The following TMEM132D variants were observed in gnomAD, a reference collection of about 807,000 sequenced individuals.
The protein encoded by TMEM132D is transmembrane protein 132D, also known as mature OL transmembrane protein.
TMEM132D carries 21 observed loss-of-function variants against 62.3 expected under a neutral mutation model. The observed-to-expected ratio is 0.34, with a 90% CI of 0.24 to 0.49. TMEM132D has a LOEUF of 0.49. Ranked by LOEUF, TMEM132D falls within the 20% of genes least tolerant of loss-of-function variation. TMEM132D has a pLI of 0.99. For synonymous variants in TMEM132D, 621 were observed against 575.6 expected, an observed-to-expected ratio of 1.08 and a Z score of -1.13; for missense variants, 1,346 against 1,402.8, an observed-to-expected ratio of 0.96 and a Z score of 0.65.
chr12:129,445,318 T>A (rs1873064888), intron 3 of TMEM132D, among the ~76,000 whole-genome samples: 1 of 151,266 alleles, frequency 6.6e-6, no homozygotes, highest in Non-Finnish European at 1.5e-5. Flanking sequence ...GAGGGTGGAG[T>A]GTGGGAGGAA....
intron 3 of TMEM132D, among the ~76,000 whole-genome samples, 172 bp downstream of exon 3, chr12:129,530,887 C>A (rs1008046889): frequency 6.6e-6 from 1 of 151,812 alleles, no homozygotes; most frequent in Non-Finnish European, 1.5e-5. Context: ...AACAGCCCAC[C>A]TTTCCCAAAT....
chr12:129,236,006 A>G (rs1156327737), intron 4 of TMEM132D, among the ~76,000 whole-genome samples: 4 of 152,008 alleles, frequency 2.6e-5, no homozygotes, highest in Non-Finnish European at 5.9e-5. Context: ...ATTTATTTGC[A>G]GCATCTTCAA....
At chr12:129,896,711 CCTTTA>C (rs1373296656) in intron 1 of TMEM132D, among the ~76,000 whole-genome samples, 4 of 152,014 alleles carry the variant, frequency 2.6e-5, no homozygotes, top group African/African-American at 7.2e-5. Flanking sequence ...TCTGAATCTC[CCTTTA>C]TTTATATACT....
intron 5 of TMEM132D, among the ~76,000 whole-genome samples, chr12:129,206,558 G>A (rs1346795030): frequency 6.6e-6 from 1 of 152,124 alleles, no homozygotes; most frequent in African/African-American, 2.4e-5. Flanking sequence ...TCCTCAAAGA[G>A]CTAAAAACAG....
chr12:129,803,323 A>C (rs2137309294), intron 1 of TMEM132D, among the ~76,000 whole-genome samples: 1 of 151,058 alleles, frequency 6.6e-6, no homozygotes, highest in South Asian at 2.1e-4. Context: ...AAAGAACAGA[A>C]ATTATAACAA....
chr12:129,832,707 G>A (rs1308692204), intron 1 of TMEM132D, among the ~76,000 whole-genome samples: 8 of 152,134 alleles, frequency 5.3e-5, no homozygotes, highest in Admixed American at 6.5e-5. Context: ...AGGGGACGCT[G>A]CAGGCATTTG....
chr12:129,566,929 T>C (rs1877382661), intron 2 of TMEM132D, among the ~76,000 whole-genome samples: 2 of 152,372 alleles, frequency 1.3e-5, no homozygotes, highest in Admixed American at 1.3e-4. Flanking sequence ...TGAATCTGCC[T>C]ATGACTTGGA....
intron 1 of TMEM132D, among the ~76,000 whole-genome samples, chr12:129,722,226 C>T (rs939500816): frequency 3.9e-5 from 6 of 152,216 alleles, no homozygotes; most frequent in African/African-American, 9.6e-5. Flanking sequence ...GCTCCTGAAG[C>T]GCAGGCTGCT....
rs1876522710 is a variant in TMEM132D, at chr12:129,135,181, G to A, written c.1444-50479C>T. 3.3e-5 allele frequency among the ~76,000 whole-genome samples: 5 copies of A among 152,142 alleles called. No individual in the cohort carries two copies. In the South Asian group the frequency reaches 1.0e-3, roughly 32 times the overall value. ...GAACCACTGAGGCATCTGGAGTTGG[G>A]TTTGTGCATCAGGTAACCCCAGAGA... is the stretch of plus-strand genomic sequence containing the variant. On this transcript the variant is annotated intron_variant, in intron 5 of 8. Transcript: ENST00000422113.
intron 3 of TMEM132D, among the ~76,000 whole-genome samples, chr12:129,430,015 C>T (rs1299257056): frequency 6.6e-6 from 1 of 152,102 alleles, no homozygotes; most frequent in Non-Finnish European, 1.5e-5. Flanking sequence ...CAAGTCTCTG[C>T]TATTGTGAAT....
At chr12:129,850,373 C>G (rs1873501176) in intron 1 of TMEM132D, among the ~76,000 whole-genome samples, 1 of 152,160 alleles carries the variant, frequency 6.6e-6, no homozygotes, top group African/African-American at 2.4e-5. Flanking sequence ...GGCCTGCCCC[C>G]ACGGAGGATG....
chr12:129,513,872 C>T (rs892829631), intron 3 of TMEM132D, among the ~76,000 whole-genome samples: 9 of 149,880 alleles, frequency 6.0e-5, no homozygotes, highest in Non-Finnish European at 1.0e-4. Context: ...GAGTCTCGCT[C>T]TGTCGCCCAG....
chr12:129,804,968 G>A (rs1245556066), intron 1 of TMEM132D, among the ~76,000 whole-genome samples: 1 of 128,220 alleles, frequency 7.8e-6, no homozygotes, highest in African/African-American at 2.9e-5. Context: ...AAAATACCTA[G>A]GAATCCAACT....
intron 4 of TMEM132D, among the ~76,000 whole-genome samples, chr12:129,318,147 C>G (rs984212306): frequency 4.6e-5 from 7 of 152,092 alleles, no homozygotes; most frequent in African/African-American, 1.7e-4. Flanking sequence ...TCAGGTAAAT[C>G]AGAGATTTCT....
chr12:129,420,293 T>C (rs1327321450), intron 3 of TMEM132D, among the ~76,000 whole-genome samples: 2 of 145,718 alleles, frequency 1.4e-5, no homozygotes, highest in African/African-American at 2.5e-5. Context: ...TTTCAAATTA[T>C]TGCACGTTCT....
At chr12:129,357,320 A>G (rs771927138) in intron 3 of TMEM132D, among the ~76,000 whole-genome samples, 5 of 124,452 alleles carry the variant, frequency 4.0e-5, no homozygotes, top group Non-Finnish European at 6.7e-5. Context: ...GAAAGGAAGG[A>G]GGGAAGGAAA....
intron 4 of TMEM132D, among the ~76,000 whole-genome samples, chr12:129,289,283 C>T (rs1881382947): frequency 6.6e-6 from 1 of 152,108 alleles, no homozygotes; most frequent in Admixed American, 6.5e-5. Context: ...ATGGCTCACA[C>T]CTGTAATCCC....
At chr12:129,084,970 G>A (rs1279570495) in intron 5 of TMEM132D, 1 of 535,730 alleles carries the variant, frequency 1.9e-6, no homozygotes, top group African/African-American at 1.9e-5. Context: ...CCCAGGGGCT[G>A]CGTGTGTTGC....
intron 3 of TMEM132D, among the ~76,000 whole-genome samples, chr12:129,373,573 A>T (rs551886016): frequency 6.6e-6 from 1 of 152,206 alleles, no homozygotes; most frequent in African/African-American, 2.4e-5. Flanking sequence ...CGGAGCTTGC[A>T]GTGAGCTGAG....
Sources: gnomAD v4.1 joint callset for allele counts (sites outside exome capture counted in the v4.1 genomes callset) on GRCh38, gnomAD v4.1.1 for gene constraint, MANE v1.5 for transcripts, NCBI Gene and HGNC (gene_info 2026-07-23, HGNC 2026-07-21) for gene names.